The following SMYD3 variants were observed in gnomAD, a reference collection of about 807,000 sequenced individuals.
SMYD3 encodes histone-lysine N-methyltransferase SMYD3.
In SMYD3, 36 loss-of-function variants were observed where a neutral mutation model predicts 57.7. The ratio of observed to expected loss-of-function variants is 0.62; its 90% CI spans 0.48 to 0.82. The LOEUF (loss-of-function observed/expected upper bound fraction) is 0.82. SMYD3 is among the 40% of genes least tolerant of loss of function. The pLI is 0.00. For missense variants in SMYD3, 515 were observed against 538.8 expected (o/e 0.96, Z 0.44); for synonymous variants, 211 against 195.0 (o/e 1.08, Z -0.68).
intron 5 of SMYD3, among the ~76,000 whole-genome samples, chr1:246,198,022 T>G (rs1328410700): frequency 2.0e-5 from 3 of 152,200 alleles, no homozygotes; most frequent in East Asian, 3.8e-4. Context: ...CCTGTCTAAG[T>G]TGATTTTTAC....
At chr1:245,774,307 GGTAA>G (rs1263605590) in intron 10 of SMYD3, among the ~76,000 whole-genome samples, 2 of 152,140 alleles carry the variant, frequency 1.3e-5, no homozygotes, top group African/African-American at 4.8e-5. Flanking sequence ...TATTTGGAAT[GGTAA>G]GTAAGACATG....
chr1:246,379,081 TACACAC>T lies in SMYD3; in HGVS notation c.165-23993_165-23988del, dbSNP rs34560740. On this transcript the variant is annotated intron_variant, in intron 1 of 11. Coordinates refer to ENST00000490107, the MANE Select transcript of SMYD3 (RefSeq NM_001167740.2). ...ATATATATACTTACACACACATACA[TACACAC>T]ACACACACACACACACACACACACA... Among the ~76,000 whole-genome samples the T allele has an allele frequency of 3.4e-3, 444 of 130,516 alleles. 3 individuals are homozygous for T. Among genetic ancestry groups the T allele is most frequent in the African/African-American group, 9.5e-3 (339 of 35,690 alleles). The allele number at this position is 130,516 out of a possible 152,430, so 85.6% of individuals were successfully genotyped here. A position where few individuals can be genotyped will look rare whatever the true frequency, so the allele number is the denominator to read the frequency against.
chr1:245,975,798 TGTAG>T (rs2058408040), intron 5 of SMYD3, among the ~76,000 whole-genome samples: 1 of 3,300 alleles, frequency 3.0e-4, no homozygotes, highest in Non-Finnish European at 6.1e-4. Context: ...AGCCATCGTC[TGTAG>T]CCTAGGGAAA....
intron 5 of SMYD3, among the ~76,000 whole-genome samples, chr1:246,113,475 G>A (rs2061288705): frequency 6.6e-6 from 1 of 152,118 alleles, no homozygotes; most frequent in South Asian, 2.1e-4. Flanking sequence ...AATAATTTTT[G>A]CTCTTAGATG....
At chr1:246,064,459 G>T (rs952281366) in intron 5 of SMYD3, among the ~76,000 whole-genome samples, 3 of 152,068 alleles carry the variant, frequency 2.0e-5, no homozygotes, top group Admixed American at 6.6e-5. Context: ...TTCCACTTTT[G>T]CCTGGGTTAA....
intron 5 of SMYD3, among the ~76,000 whole-genome samples, chr1:246,204,913 A>C (rs573900680): frequency 6.6e-6 from 1 of 152,340 alleles, no homozygotes; most frequent in South Asian, 2.1e-4. Flanking sequence ...AACTATTCTA[A>C]CATAACTTCA....
chr1:245,797,230 AT>A (rs1257481968), intron 10 of SMYD3, among the ~76,000 whole-genome samples: 5 of 152,188 alleles, frequency 3.3e-5, no homozygotes, highest in African/African-American at 1.2e-4. Context: ...ATGCACACGT[AT>A]GTTTATTGCA....
At chr1:246,212,396 T>C (rs1436716438) in intron 5 of SMYD3, among the ~76,000 whole-genome samples, 1 of 152,134 alleles carries the variant, frequency 6.6e-6, no homozygotes, top group Non-Finnish European at 1.5e-5. Context: ...AAGAATATTT[T>C]ATGAAAGGAA....
chr1:246,001,900 G>A (rs1411942970), intron 5 of SMYD3, among the ~76,000 whole-genome samples: 3 of 152,124 alleles, frequency 2.0e-5, no homozygotes, highest in Non-Finnish European at 4.4e-5. Context: ...CCTTTGTTCA[G>A]AACAAGAGAT....
intron 10 of SMYD3, among the ~76,000 whole-genome samples, chr1:245,835,993 A>G (rs2050089200): frequency 6.6e-6 from 1 of 152,154 alleles, no homozygotes; most frequent in Non-Finnish European, 1.5e-5. Flanking sequence ...GGGTCGAGAG[A>G]CAACAAAGGC....
At chr1:246,380,075 T>C (rs2148749057) in intron 1 of SMYD3, among the ~76,000 whole-genome samples, 1 of 151,758 alleles carries the variant, frequency 6.6e-6, no homozygotes, top group South Asian at 2.1e-4. Context: ...CCCAAATAGA[T>C]GGAAAACTTC....
At chr1:246,134,957 A>T (rs1055225798) in intron 5 of SMYD3, among the ~76,000 whole-genome samples, 1 of 151,936 alleles carries the variant, frequency 6.6e-6, no homozygotes, top group Non-Finnish European at 1.5e-5. Flanking sequence ...AAAACTTAGC[A>T]TATATGCTGA....
At chr1:246,373,232 T>A (rs2066218997) in intron 1 of SMYD3, among the ~76,000 whole-genome samples, 1 of 152,150 alleles carries the variant, frequency 6.6e-6, no homozygotes, top group Admixed American at 6.5e-5. Context: ...TTATTTTACT[T>A]CCATGATCAA....
intron 5 of SMYD3, among the ~76,000 whole-genome samples, chr1:246,162,412 T>A (rs761275087): frequency 2.0e-5 from 3 of 152,216 alleles, no homozygotes; most frequent in Non-Finnish European, 4.4e-5. Context: ...TTCTGAAGAT[T>A]GCAGCCAACT....
chr1:246,002,476 G>A (rs1251405097), intron 5 of SMYD3, among the ~76,000 whole-genome samples: 3 of 54,512 alleles, frequency 5.5e-5, no homozygotes, highest in African/African-American at 1.1e-4. Flanking sequence ...CCGCCACCAC[G>A]CCCGGCTAAT....
intron 1 of SMYD3, among the ~76,000 whole-genome samples, chr1:246,406,164 T>C (rs1220759362): frequency 6.6e-6 from 1 of 151,996 alleles, no homozygotes; most frequent in Non-Finnish European, 1.5e-5. Flanking sequence ...GCTCAAGCAA[T>C]CTGCCTGCCT....
At chr1:246,350,030 A>G (rs2065797067) in intron 2 of SMYD3, among the ~76,000 whole-genome samples, 1 of 152,232 alleles carries the variant, frequency 6.6e-6, no homozygotes, top group Admixed American at 6.5e-5. Context: ...TCCACAAGAA[A>G]CCCATTTTAC....
intron 5 of SMYD3, among the ~76,000 whole-genome samples, chr1:246,216,466 T>G (rs1234007830): frequency 1.3e-5 from 2 of 152,048 alleles, no homozygotes; most frequent in African/African-American, 4.8e-5. Context: ...AAAAGATACC[T>G]AGGAACAAGT....
intron 5 of SMYD3, among the ~76,000 whole-genome samples, chr1:246,125,087 A>C (rs867031641): frequency 0.21 from 29,162 of 142,230 alleles, 4,193 homozygotes; most frequent in East Asian, 0.42. Context: ...AAAAAAAAAA[A>C]ACACACACAC....
Sources: allele counts gnomAD v4.1 joint callset (sites outside exome capture counted in the v4.1 genomes callset), GRCh38; gene constraint gnomAD v4.1.1; transcripts MANE v1.5; gene names NCBI Gene and HGNC (gene_info 2026-07-23, HGNC 2026-07-21).